RPH3A: variants seen among roughly 807,000 people sequenced by gnomAD.
The protein encoded by RPH3A is rabphilin 3A.
A neutral mutation model predicts 102.2 loss-of-function variants in RPH3A; 48 were observed. That is an observed-to-expected ratio of 0.47 (90% confidence interval 0.37 to 0.60). The LOEUF is 0.60. RPH3A is among the 20% of genes least tolerant of loss of function. RPH3A has a pLI of 0.00. For missense variants in RPH3A, 781 were observed against 910.1 expected (o/e 0.86, Z 1.83); for synonymous variants, 310 against 324.3 (o/e 0.96, Z 0.47).
intron 1 of RPH3A, among the ~76,000 whole-genome samples, chr12:112,752,488 G>A (rs571668227): frequency 6.6e-5 from 10 of 151,668 alleles, no homozygotes; most frequent in Non-Finnish European, 1.2e-4. Context: ...ATGCTAATAC[G>A]TATCTCTTGT....
At chr12:112,708,566 T>A (rs1163305734) in intron 1 of RPH3A, among the ~76,000 whole-genome samples, 4 of 152,036 alleles carry the variant, frequency 2.6e-5, no homozygotes, top group Non-Finnish European at 5.9e-5. Context: ...AGCAAAGCAG[T>A]GGGGTTGTGG....
At chr12:112,877,179 T>G (rs2042817179) in intron 13 of RPH3A, among the ~76,000 whole-genome samples, 1 of 152,198 alleles carries the variant, frequency 6.6e-6, no homozygotes, top group Non-Finnish European at 1.5e-5. Context: ...TTCAGTCTAC[T>G]AGCTCCTCAA....
At position 112,887,898 on chromosome 12, in the gene RPH3A, A is replaced by C; in HGVS notation, c.1538A>C (p.Asn513Thr). Residue 513 changes from asparagine to threonine, a missense_variant, in exon 17 of 22, where the codon AAC becomes ACC. Transcript: ENST00000389385. ...KLKPNQRKNF[N>T]ICLERVIPMK... ...AAGCCCAACCAGAGGAAGAATTTCA[A>C]CATCTGCCTGGAGCGAGTGATTCCT... 1 of 1,613,898 alleles carries C rather than the reference A, an allele frequency of 6.2e-7. No individual in the cohort carries two copies. The highest frequency in any genetic ancestry group is 8.5e-7 in the Non-Finnish European group (1 of 1,179,794).
chr12:112,877,723 G>A (rs1451850617), intron 13 of RPH3A, among the ~76,000 whole-genome samples: 2 of 152,192 alleles, frequency 1.3e-5, no homozygotes, highest in African/African-American at 4.8e-5. Flanking sequence ...AGGCTAAGGG[G>A]CAGATAAACT....
At chr12:112,610,301 G>A (rs12813122) in intron 1 of RPH3A, among the ~76,000 whole-genome samples, 3 of 152,064 alleles carry the variant, frequency 2.0e-5, no homozygotes, top group Non-Finnish European at 4.4e-5. Flanking sequence ...TTGGGAGTTC[G>A]AAACCAGCCT....
intron 14 of RPH3A, among the ~76,000 whole-genome samples, chr12:112,880,544 C>T (rs990439595): frequency 3.9e-5 from 6 of 152,098 alleles, no homozygotes; most frequent in Non-Finnish European, 7.4e-5. Context: ...TCATTTAATC[C>T]TCTAAGAGCC....
intron 2 of RPH3A, among the ~76,000 whole-genome samples, chr12:112,801,352 C>T (rs1437110040): frequency 6.6e-6 from 1 of 152,236 alleles, no homozygotes; most frequent in African/African-American, 2.4e-5. Context: ...GCAGGCTTGC[C>T]TTTCAGATAG....
chr12:112,648,889 G>A (rs564236783), intron 1 of RPH3A, among the ~76,000 whole-genome samples: 3 of 152,014 alleles, frequency 2.0e-5, no homozygotes, highest in East Asian at 1.9e-4. Context: ...GTGCAGTCTC[G>A]GCTCACTGCA....
At position 112,807,060 on chromosome 12, in the gene RPH3A, G is replaced by C. The variant is rs960447426; in HGVS notation, c.-19+14797G>C. ...ATCTGAAAGAAGGCCAGCATGGTTA[G>C]AGTGTGAGATGTGAGGGTGAGATGA... On this transcript the variant is annotated intron_variant, in intron 2 of 21. Coordinates refer to ENST00000389385, the MANE Select transcript of RPH3A (RefSeq NM_001143854.2). 3.9e-5 allele frequency among the ~76,000 whole-genome samples: 6 copies of C among 152,220 alleles called. No individual in the cohort carries two copies. The South Asian group carries it at 6.2e-4, about 16-fold the overall frequency.
intron 1 of RPH3A, among the ~76,000 whole-genome samples, chr12:112,756,561 C>T (rs2136064123): frequency 6.6e-6 from 1 of 152,236 alleles, no homozygotes; most frequent in Non-Finnish European, 1.5e-5. Flanking sequence ...CACTCTACAC[C>T]ATAAATATGT....
intron 1 of RPH3A, among the ~76,000 whole-genome samples, chr12:112,776,202 G>A (rs548809454): frequency 1.3e-5 from 2 of 152,260 alleles, no homozygotes; most frequent in African/African-American, 2.4e-5. Context: ...TACTATGAGT[G>A]AAGAAGTCTG....
chr12:112,781,113 T>A (rs2041004127), intron 1 of RPH3A, among the ~76,000 whole-genome samples: 1 of 151,948 alleles, frequency 6.6e-6, no homozygotes, highest in Non-Finnish European at 1.5e-5. Context: ...TGAGCCCAGA[T>A]CATGCCATTG....
chr12:112,845,773 T>A (rs1382624902), intron 4 of RPH3A, among the ~76,000 whole-genome samples: 1 of 152,220 alleles, frequency 6.6e-6, no homozygotes, highest in Non-Finnish European at 1.5e-5. Flanking sequence ...CGTGCCATCC[T>A]GTAATCTATG....
intron 1 of RPH3A, among the ~76,000 whole-genome samples, chr12:112,724,368 A>AT (rs925786028): frequency 5.5e-4 from 84 of 152,092 alleles, no homozygotes; most frequent in Non-Finnish European, 8.2e-4. Flanking sequence ...GCTGGCCAAT[A>AT]TTTTTTTAAT....
chr12:112,866,241 C>A (rs926548397), intron 6 of RPH3A, among the ~76,000 whole-genome samples: 1 of 152,146 alleles, frequency 6.6e-6, no homozygotes, highest in East Asian at 1.9e-4. Context: ...CCAGTCAACT[C>A]GATAGCGAGA....
At chr12:112,681,492 G>C (rs1265461394) in intron 1 of RPH3A, among the ~76,000 whole-genome samples, 2 of 152,234 alleles carry the variant, frequency 1.3e-5, no homozygotes, top group Non-Finnish European at 2.9e-5. Context: ...TTAGGCAGGA[G>C]AGTAATATGA....
In RPH3A at chr12:112,697,615, A is replaced by G. The variant is rs981107232; in HGVS notation, c.-139-94528A>G. On this transcript the variant is annotated intron_variant, in intron 1 of 21. Coordinates refer to the RPH3A transcript ENST00000543106. ...GCATGGTGACTCACGCCTGAATCCC[A>G]TCACTTTGGGAGGCTGAGGCGGGTG... 7.2e-5 allele frequency among the ~76,000 whole-genome samples: 11 copies of G among 152,328 alleles called. No individual in the cohort carries two copies. The East Asian group carries it at 1.9e-3, about 27-fold the overall frequency.
intron 1 of RPH3A, among the ~76,000 whole-genome samples, chr12:112,686,667 G>A (rs779486733): frequency 5.3e-5 from 8 of 152,190 alleles, no homozygotes; most frequent in Non-Finnish European, 1.2e-4. Context: ...CAATTCCCCA[G>A]CCTACTGCAG....
intron 7 of RPH3A, among the ~76,000 whole-genome samples, chr12:112,867,166 C>T (rs1386418165): frequency 6.6e-6 from 1 of 151,072 alleles, no homozygotes; most frequent in Non-Finnish European, 1.5e-5. Flanking sequence ...TTTTTATTTC[C>T]TCACACTCTC....
Sources: allele counts gnomAD v4.1 joint callset (sites outside exome capture counted in the v4.1 genomes callset), GRCh38; gene constraint gnomAD v4.1.1; transcripts MANE v1.5; gene names NCBI Gene and HGNC (gene_info 2026-07-23, HGNC 2026-07-21).